SLC45A2: variants seen among roughly 807,000 people sequenced by gnomAD.
SLC45A2 encodes the protein membrane-associated transporter protein.
In SLC45A2, 36 loss-of-function variants were observed where a neutral mutation model predicts 45.5. The ratio of observed to expected loss-of-function variants is 0.79; its 90% CI spans 0.61 to 1.04. The LOEUF (loss-of-function observed/expected upper bound fraction) is 1.04, where lower values mean the gene tolerates loss of function less well. Among genes scored for constraint, SLC45A2 ranks in the 50% least tolerant of loss-of-function variants. The pLI is 0.00. For synonymous variants in SLC45A2, 306 were observed against 269.3 expected (o/e 1.14, Z -1.33); for missense variants, 719 against 671.0 (o/e 1.07, Z -0.79).
intron 2 of SLC45A2, among the ~76,000 whole-genome samples, chr5:33,974,044 A>T (rs1276239385): frequency 6.6e-6 from 1 of 152,224 alleles, no homozygotes; most frequent in Non-Finnish European, 1.5e-5. Flanking sequence ...ACTGCTAAGA[A>T]CAGCAAAGTC....
At chr5:33,958,630 C>T (rs990215194) in intron 3 of SLC45A2, among the ~76,000 whole-genome samples, 8 of 152,318 alleles carry the variant, frequency 5.3e-5, no homozygotes, top group South Asian at 2.1e-4. Flanking sequence ...GATCCTCCCA[C>T]CTTGGCCTCA....
chr5:33,984,035 A>G (rs772804119), intron 1 of SLC45A2, among the ~76,000 whole-genome samples, 164 bp downstream of exon 1: 6 of 152,228 alleles, frequency 3.9e-5, no homozygotes, highest in Non-Finnish European at 8.8e-5. Context: ...CTCCCCAACC[A>G]CAGAATCTGG....
Position 33,944,690 on chromosome 5 carries a change from T to C in SLC45A2, c.1551A>G (p.Ile517Met), listed in dbSNP as rs1211726766. ...CAAAGAGAGCGACAAAGCAACAGCC[T>C]ATCAGTGCCACCGCAGACGCTGTGA... ...VVITASAVALIGCCFVALFVR... is the reference protein window; with the variant it reads ...VVITASAVALMGCCFVALFVR... The change falls in exon 7 of 7, where the codon ATA (isoleucine) becomes ATG (methionine). Residue 517 changes from isoleucine (I) to methionine (M), a missense_variant. Ile to Met is a conservative substitution (Grantham distance 10). Coordinates refer to ENST00000296589, the MANE Select transcript of SLC45A2 (RefSeq NM_016180.5). The C allele has an allele frequency of 2.5e-6, 4 of 1,614,228 alleles. No homozygotes were observed. Among genetic ancestry groups the C allele is most frequent in the South Asian group, 1.1e-5 (1 of 91,088 alleles).
At chr5:33,958,274 A>C (rs1252529857) in intron 3 of SLC45A2, among the ~76,000 whole-genome samples, 1 of 152,174 alleles carries the variant, frequency 6.6e-6, no homozygotes, top group Non-Finnish European at 1.5e-5. Flanking sequence ...CTTGCCATTA[A>C]AAAAGAAAAA....
Position 33,984,408 on chromosome 5 carries a change from A to C in SLC45A2, c.176T>G (p.Val59Gly), listed in dbSNP as rs1392382899. 3 of 1,613,548 alleles carry C rather than the reference A, an allele frequency of 1.9e-6. No individual in the cohort carries two copies. Among genetic ancestry groups the C allele is most frequent in the Admixed American group, 1.7e-5 (1 of 59,920 alleles). ...YAVEAAYVTP[V>G]LLSVGLPSSL... ...GCTGGGCAGACCTACGCTGAGCAGG[A>C]CTGGGGTCACATACGCTGCCTCCAC... Residue 59 changes from valine (V) to glycine (G), a missense_variant, in exon 1 of 7, where the codon GTC (valine) becomes GGC (glycine). Physicochemically the swap from Val to Gly is moderately radical, Grantham distance 109. Coordinates refer to ENST00000296589, the MANE Select transcript of SLC45A2 (RefSeq NM_016180.5).
chr5:33,946,550 C>T (rs2111898805), intron 6 of SLC45A2: 1 of 989,982 alleles, frequency 1.0e-6, no homozygotes, highest in Non-Finnish European at 1.2e-6. Context: ...TGCATAGGCG[C>T]TTGTTCACTA....
intron 2 of SLC45A2, among the ~76,000 whole-genome samples, chr5:33,974,155 C>T (rs1318574685): frequency 1.3e-5 from 2 of 152,174 alleles, no homozygotes; most frequent in Non-Finnish European, 2.9e-5. Flanking sequence ...CACTCGGTTC[C>T]ACAGCCTCAG....
Position 33,946,771 on chromosome 5 carries a change from C to A in SLC45A2, c.1368+392G>T, listed in dbSNP as rs57959046. ...TTGGGGATAGGGAGACCCTTATTGT[C>A]GGTATCTAGAAATGCTGCAGGTGGC... On this transcript the variant is annotated intron_variant, in intron 6 of 6. Coordinates refer to ENST00000296589, the MANE Select transcript of SLC45A2 (RefSeq NM_016180.5). 9,257 of 1,132,074 alleles carry A rather than the reference C, an allele frequency of 8.2e-3. 616 individuals carry two copies. In the African/African-American group the frequency reaches 0.14, roughly 17 times the overall value. The allele number at this position is 1,132,074 out of a possible 1,614,324, so 70.1% of individuals were successfully genotyped here. A position where few individuals can be genotyped will look rare whatever the true frequency, so the allele number is the denominator to read the frequency against.
At chr5:33,949,574 A>G (rs1428739491) in intron 5 of SLC45A2, among the ~76,000 whole-genome samples, 1 of 152,178 alleles carries the variant, frequency 6.6e-6, no homozygotes, top group East Asian at 1.9e-4. Context: ...AAAGCTCAGG[A>G]ATTTGACTTT....
chr5:33,976,884 A>G (rs1752942293), intron 2 of SLC45A2, among the ~76,000 whole-genome samples: 1 of 152,252 alleles, frequency 6.6e-6, no homozygotes, highest in Non-Finnish European at 1.5e-5. Flanking sequence ...TCCAAGCTTC[A>G]GGAGCTGGAC....
Position 33,951,794 on chromosome 5 carries a change from A to G in SLC45A2, c.1033-117T>C. The G allele has an allele frequency of 9.5e-6, 12 of 1,258,480 alleles. No homozygotes were observed. In the South Asian group the frequency reaches 1.3e-4, roughly 14 times the overall value. The allele number at this position is 1,258,480 out of a possible 1,614,324, so 78.0% of individuals were successfully genotyped here. On this transcript the variant is annotated intron_variant, in intron 4 of 6. Transcript: ENST00000296589. ...TGTCCCTGCCTGAGGGACCCTTTCT[A>G]GAGTACAGAGCTGATGCTGTCATGA... is the stretch of plus-strand genomic sequence containing the variant.
At chr5:33,949,572 G>A (rs1008789115) in intron 5 of SLC45A2, among the ~76,000 whole-genome samples, 1 of 152,148 alleles carries the variant, frequency 6.6e-6, no homozygotes, top group Admixed American at 6.5e-5. Context: ...GAAAAGCTCA[G>A]GAATTTGACT....
Position 33,947,387 on chromosome 5 carries a change from G to A in SLC45A2, c.1157-13C>T, listed in dbSNP as rs1265108171. On this transcript the variant is annotated splice_polypyrimidine_tract_variant and intron_variant, in intron 5 of 6. Coordinates refer to ENST00000296589, the MANE Select transcript of SLC45A2 (RefSeq NM_016180.5). ...ACTTTCTGAAAGTCTGTGGGAAGAAGAGAGGGAGAAATTACAGCTGGCAGT... is the reference window on the plus strand; with the variant it reads ...ACTTTCTGAAAGTCTGTGGGAAGAAAAGAGGGAGAAATTACAGCTGGCAGT... 6.2e-7 allele frequency: 1 copy of A among 1,611,300 alleles called. No homozygotes were observed. The highest frequency in any genetic ancestry group is 8.5e-7 in the Non-Finnish European group (1 of 1,177,482).
Position 33,984,402 on chromosome 5 carries a change from A to T in SLC45A2, c.182T>A (p.Leu61His), listed in dbSNP as rs1359747981. The T allele has an allele frequency of 3.1e-6, 5 of 1,613,454 alleles. No individual in the cohort carries two copies. In the African/African-American group the frequency reaches 6.7e-5, roughly 22 times the overall value. The change falls in exon 1 of 7, where the codon CTC (leucine) becomes CAC (histidine). Residue 61 changes from leucine (L) to histidine (H), a missense_variant. Transcript: ENST00000296589. Reference sequence around the variant, plus strand: ...CAGGCTGCTGGGCAGACCTACGCTGAGCAGGACTGGGGTCACATACGCTGC... The same window carrying T: ...CAGGCTGCTGGGCAGACCTACGCTGTGCAGGACTGGGGTCACATACGCTGC... ...VEAAYVTPVL[L>H]SVGLPSSLYS...
At chr5:33,981,493 A>G (rs1178086024) in intron 2 of SLC45A2, among the ~76,000 whole-genome samples, 7 of 152,282 alleles carry the variant, frequency 4.6e-5, no homozygotes, top group Non-Finnish European at 7.4e-5. Context: ...AGATATAAAA[A>G]TCCTCTTGGG....
At chr5:33,982,032 ACTTC>A (rs1449027944) in intron 2 of SLC45A2, among the ~76,000 whole-genome samples, 200 bp downstream of exon 2, 1 of 152,178 alleles carries the variant, frequency 6.6e-6, no homozygotes, top group Non-Finnish European at 1.5e-5. Flanking sequence ...TCTTCTGTAA[ACTTC>A]CTTTGCAGAA....
intron 3 of SLC45A2, among the ~76,000 whole-genome samples, chr5:33,961,627 T>C (rs1752459212): frequency 6.6e-6 from 1 of 152,162 alleles, no homozygotes; most frequent in African/African-American, 2.4e-5. Context: ...CTTCCCTCTT[T>C]AAAACTAAAA....
intron 6 of SLC45A2, chr5:33,946,635 C>A: frequency 9.9e-7 from 1 of 1,008,564 alleles, no homozygotes; most frequent in Non-Finnish European, 1.2e-6. Context: ...ATGATTCCAG[C>A]TTTCCTTCTC....
intron 2 of SLC45A2, among the ~76,000 whole-genome samples, chr5:33,971,873 C>G (rs888371241): frequency 2.0e-5 from 3 of 152,190 alleles, no homozygotes; most frequent in African/African-American, 7.2e-5. Flanking sequence ...GTAATCCACC[C>G]ACCTTGGCCT....
Sources: gnomAD v4.1 joint callset for allele counts (sites outside exome capture counted in the v4.1 genomes callset) on GRCh38, gnomAD v4.1.1 for gene constraint, MANE v1.5 for transcripts, NCBI Gene and HGNC (gene_info 2026-07-23, HGNC 2026-07-21) for gene names.